The following DOCK3 variants were observed in gnomAD, a reference collection of about 807,000 sequenced individuals.
DOCK3 encodes dedicator of cytokinesis protein 3.
Under a neutral mutation model 265.6 loss-of-function variants are expected in DOCK3, and 60 were observed. That is an observed-to-expected ratio of 0.23 (90% confidence interval 0.18 to 0.28). The LOEUF (loss-of-function observed/expected upper bound fraction) is 0.28. Ranked by LOEUF, DOCK3 falls within the 10% of genes least tolerant of loss-of-function variation. DOCK3 has a pLI of 1.00. For missense variants in DOCK3, 1,981 were observed against 2,594.3 expected (o/e 0.76, Z 5.14); for synonymous variants, 881 against 938.0 (o/e 0.94, Z 1.11).
chr3:51,092,137 C>G (rs151102083), intron 9 of DOCK3, among the ~76,000 whole-genome samples: 2 of 152,300 alleles, frequency 1.3e-5, no homozygotes, highest in Non-Finnish European at 2.9e-5. Context: ...AACCCATTGG[C>G]ACCTGGAACG....
chr3:50,860,454 A>T (rs2046856409), intron 3 of DOCK3, among the ~76,000 whole-genome samples: 1 of 152,116 alleles, frequency 6.6e-6, no homozygotes. Context: ...CTCATACAAT[A>T]ATCTGGCCAC....
intron 27 of DOCK3, among the ~76,000 whole-genome samples, chr3:51,284,344 G>GT (rs1240428755): frequency 1.3e-5 from 2 of 151,942 alleles, no homozygotes; most frequent in Non-Finnish European, 2.9e-5. Context: ...TCACCTCCCT[G>GT]TTTCTCCCTG....
chr3:50,904,811 G>T (rs1461084430), intron 4 of DOCK3, among the ~76,000 whole-genome samples: 1 of 151,964 alleles, frequency 6.6e-6, no homozygotes, highest in Non-Finnish European at 1.5e-5. Context: ...TGCTTTTGTT[G>T]CCATTGCTTT....
At chr3:51,110,677 G>T (rs578136288) in intron 9 of DOCK3, among the ~76,000 whole-genome samples, 1 of 152,170 alleles carries the variant, frequency 6.6e-6, no homozygotes, top group South Asian at 2.1e-4. Flanking sequence ...GATATTGGAG[G>T]AACATACCTC....
chr3:50,909,640 CGT>C (rs1491197491), intron 4 of DOCK3, among the ~76,000 whole-genome samples: 1 of 121,532 alleles, frequency 8.2e-6, no homozygotes, highest in African/African-American at 3.1e-5. Context: ...CTACCCTTAA[CGT>C]TTTTTTTTTT....
At chr3:51,142,379 T>G (rs905640575) in intron 9 of DOCK3, among the ~76,000 whole-genome samples, 2 of 152,204 alleles carry the variant, frequency 1.3e-5, no homozygotes, top group African/African-American at 4.8e-5. Flanking sequence ...AGTTCCCTCA[T>G]GTACCTTTGC....
intron 5 of DOCK3, among the ~76,000 whole-genome samples, chr3:50,979,204 A>G (rs1575667128): frequency 1.3e-5 from 2 of 152,344 alleles, no homozygotes; most frequent in East Asian, 3.9e-4. Flanking sequence ...GTCTTCTTCA[A>G]CTACTTTAGT....
chr3:51,334,422 G>A (rs371163670), intron 35 of DOCK3, among the ~76,000 whole-genome samples: 3 of 152,306 alleles, frequency 2.0e-5, no homozygotes, highest in East Asian at 1.9e-4. Flanking sequence ...AAATAGGAGA[G>A]TTAAGCCTGG....
chr3:50,912,706 C>T (rs2049922301), intron 4 of DOCK3, among the ~76,000 whole-genome samples: 1 of 149,770 alleles, frequency 6.7e-6, no homozygotes, highest in Non-Finnish European at 1.5e-5. Context: ...AGAGAAACCT[C>T]ACCCTGTAGC....
chr3:50,724,795 C>T (rs1432895960), intron 1 of DOCK3, among the ~76,000 whole-genome samples: 4 of 152,058 alleles, frequency 2.6e-5, no homozygotes, highest in Non-Finnish European at 5.9e-5. Flanking sequence ...TGTAGCAAAC[C>T]TGCACGTTGT....
chr3:50,688,949 C>G (rs1323028599), intron 1 of DOCK3, among the ~76,000 whole-genome samples: 2 of 152,122 alleles, frequency 1.3e-5, no homozygotes, highest in Non-Finnish European at 2.9e-5. Context: ...GACAAGTGCA[C>G]CATGTGGGAA....
At chr3:50,869,970 G>T (rs2047359805) in intron 3 of DOCK3, among the ~76,000 whole-genome samples, 1 of 151,876 alleles carries the variant, frequency 6.6e-6, no homozygotes, top group Non-Finnish European at 1.5e-5. Context: ...TTATTCCATT[G>T]TGGTCAAAGA....
chr3:50,907,647 C>A (rs933458335), intron 4 of DOCK3, among the ~76,000 whole-genome samples: 1 of 152,184 alleles, frequency 6.6e-6, no homozygotes, highest in South Asian at 2.1e-4. Flanking sequence ...CTCTGTGTGT[C>A]TCTGCACATG....
intron 31 of DOCK3, among the ~76,000 whole-genome samples, 157 bp from the exon 32 acceptor site, chr3:51,314,823 A>G (rs1335121194): frequency 6.6e-6 from 1 of 152,186 alleles, no homozygotes; most frequent in African/African-American, 2.4e-5. Flanking sequence ...TAAACTCTAA[A>G]AAGTTGAGGG....
chr3:50,968,794 C>T (rs764514271), intron 5 of DOCK3, among the ~76,000 whole-genome samples: 14 of 152,162 alleles, frequency 9.2e-5, no homozygotes, highest in Non-Finnish European at 1.8e-4. Flanking sequence ...AAGTGATCCA[C>T]GTGCCTCGGC....
At position 51,361,189 on chromosome 3, in the gene DOCK3, AGCCTCTAG is replaced by A. The variant is rs2086709400; in HGVS notation, c.5006+561_5006+568del. On this transcript the variant is annotated intron_variant, in intron 47 of 52. Coordinates refer to ENST00000266037, the MANE Select transcript of DOCK3 (RefSeq NM_004947.5). This position sits in a 1 kb window ranked among gnomAD's most constrained non-coding sequence, Gnocchi z 4.2. The stretch of plus-strand genomic sequence containing the variant: ...CCTGGGCTCAACTGAGAATACTGAA[AGCCTCTAG>A]GCCAGGAAGGCCAAGTTGGAGGAGG... 6.6e-6 allele frequency among the ~76,000 whole-genome samples: 1 copy of A among 152,236 alleles called. No homozygotes were observed. Among genetic ancestry groups the A allele is most frequent in the Non-Finnish European group, 1.5e-5 (1 of 68,046 alleles).
At chr3:51,302,954 G>T (rs2082436247) in intron 27 of DOCK3, among the ~76,000 whole-genome samples, 1 of 152,212 alleles carries the variant, frequency 6.6e-6, no homozygotes, top group Non-Finnish European at 1.5e-5. Context: ...TCCTGAATTT[G>T]AATGTTGGCC....
At chr3:50,781,945 C>G (rs1273367129) in intron 2 of DOCK3, among the ~76,000 whole-genome samples, 1 of 152,182 alleles carries the variant, frequency 6.6e-6, no homozygotes, top group East Asian at 1.9e-4. Flanking sequence ...TATGTTCCTG[C>G]AAAGGACAGG....
chr3:51,171,405 C>T (rs574364215), intron 12 of DOCK3, among the ~76,000 whole-genome samples: 1 of 152,068 alleles, frequency 6.6e-6, no homozygotes, highest in African/African-American at 2.4e-5. Context: ...AGATTTCATT[C>T]TTCTTAAATT....
Sources: allele counts gnomAD v4.1 joint callset (sites outside exome capture counted in the v4.1 genomes callset), GRCh38; gene constraint gnomAD v4.1.1; non-coding constraint Gnocchi (gnomAD v3.1); transcripts MANE v1.5; gene names NCBI Gene and HGNC (gene_info 2026-07-23, HGNC 2026-07-21).